The following KCNH5 variants were observed in gnomAD, a reference collection of about 807,000 sequenced individuals.
The protein encoded by KCNH5 is potassium voltage-gated channel subfamily H member 5.
Under a neutral mutation model 96.1 loss-of-function variants are expected in KCNH5, and 46 were observed. That is an observed-to-expected ratio of 0.48 (90% confidence interval 0.38 to 0.61). The LOEUF (loss-of-function observed/expected upper bound fraction) is 0.61. Ranked by LOEUF, KCNH5 falls within the 20% of genes least tolerant of loss-of-function variation. The pLI, the probability that KCNH5 is intolerant of heterozygous loss-of-function variation, is 0.00. For synonymous variants in KCNH5, 439 were observed against 449.8 expected, an observed-to-expected ratio of 0.98 and a Z score of 0.30; for missense variants, 907 against 1,225.8, an observed-to-expected ratio of 0.74 and a Z score of 3.88.
In KCNH5 at chr14:62,950,449, G is replaced by A. The variant is rs1450348008; in HGVS notation, c.1053C>T (p.Leu351=). The part of the protein sequence containing the change: ...YLEYGAAVLV[L]LVCVFGLVAH... ...CCACCAGTCCAAACACACACACCAG[G>A]AGCACGAGGACTGCTGCTCCATATT... The change falls in exon 7 of 11, where the codon CTC becomes CTT. Residue 351 remains leucine, a synonymous_variant. Coordinates refer to ENST00000322893, the MANE Select transcript of KCNH5 (RefSeq NM_139318.5). 3 of 1,613,722 alleles carry A rather than the reference G, an allele frequency of 1.9e-6. No individual in the cohort carries two copies. The highest frequency in any genetic ancestry group is 2.5e-6 in the Non-Finnish European group (3 of 1,179,974).
At chr14:62,958,747 T>A (rs2140136697) in intron 6 of KCNH5, among the ~76,000 whole-genome samples, 1 of 152,274 alleles carries the variant, frequency 6.6e-6, no homozygotes, top group East Asian at 1.9e-4. Context: ...ACCAGCTTTC[T>A]TCACAACTGT....
At chr14:63,038,929 C>G (rs984995047) in intron 1 of KCNH5, among the ~76,000 whole-genome samples, 1 of 151,988 alleles carries the variant, frequency 6.6e-6, no homozygotes. Flanking sequence ...TTCTGCTTTG[C>G]TATTGGTAAA....
chr14:62,943,700 G>C (rs538442764), intron 7 of KCNH5, among the ~76,000 whole-genome samples: 1 of 152,266 alleles, frequency 6.6e-6, no homozygotes, highest in South Asian at 2.1e-4. Context: ...ATTCATTCAT[G>C]AATGGACAGA....
chr14:63,003,539 T>C (rs1332879125), intron 3 of KCNH5, among the ~76,000 whole-genome samples: 1 of 113,392 alleles, frequency 8.8e-6, no homozygotes, highest in Middle Eastern at 3.6e-3. Context: ...ATATATTATA[T>C]ATTATATATA....
intron 7 of KCNH5, among the ~76,000 whole-genome samples, chr14:62,854,404 A>T (rs114210263): frequency 0.014 from 2,126 of 152,290 alleles, 50 homozygotes; most frequent in African/African-American, 0.049. Context: ...AGTGTTATAA[A>T]TATACAGAAG....
At chr14:62,711,413 T>C (rs1432359126) in intron 10 of KCNH5, among the ~76,000 whole-genome samples, 1 of 152,126 alleles carries the variant, frequency 6.6e-6, no homozygotes, top group Non-Finnish European at 1.5e-5. Context: ...AATGTAAAAG[T>C]AACTGGGAAA....
chr14:62,783,983 TTTATAA>T (rs1886270964), intron 9 of KCNH5, among the ~76,000 whole-genome samples: 1 of 151,042 alleles, frequency 6.6e-6, no homozygotes, highest in African/African-American at 2.5e-5. Context: ...TATAATGTAT[TTTATAA>T]TTATATGTTA....
chr14:62,752,617 A>T (rs1885526083), intron 10 of KCNH5, among the ~76,000 whole-genome samples: 1 of 152,102 alleles, frequency 6.6e-6, no homozygotes, highest in South Asian at 2.1e-4. Flanking sequence ...AACAAGACTA[A>T]TATGGTTTGG....
At chr14:62,978,442 G>T (rs1890542482) in intron 6 of KCNH5, among the ~76,000 whole-genome samples, 1 of 152,008 alleles carries the variant, frequency 6.6e-6, no homozygotes, top group Admixed American at 6.6e-5. Context: ...AATGAAAATT[G>T]TATTTAGTGT....
At chr14:62,904,567 C>G (rs944953287) in intron 7 of KCNH5, among the ~76,000 whole-genome samples, 3 of 152,116 alleles carry the variant, frequency 2.0e-5, no homozygotes, top group Admixed American at 1.3e-4. Context: ...GGTCACCCAC[C>G]ACCAATACTC....
chr14:62,850,807 A>G (rs993865347), intron 7 of KCNH5, among the ~76,000 whole-genome samples: 1 of 152,114 alleles, frequency 6.6e-6, no homozygotes, highest in Non-Finnish European at 1.5e-5. Flanking sequence ...ATCTTTTTTG[A>G]AAAGGGGGCA....
intron 9 of KCNH5, among the ~76,000 whole-genome samples, chr14:62,796,155 C>T (rs372183867): frequency 6.6e-6 from 1 of 152,036 alleles, no homozygotes; most frequent in African/African-American, 2.4e-5. Flanking sequence ...AGGAGATTGA[C>T]ACAATTATAC....
chr14:62,880,244 G>C (rs1321726044), intron 7 of KCNH5, among the ~76,000 whole-genome samples: 1 of 152,128 alleles, frequency 6.6e-6, no homozygotes, highest in Non-Finnish European at 1.5e-5. Context: ...AGAAAAGACA[G>C]TTCATTAGTG....
chr14:62,971,950 G>GAT (rs1890416353), intron 6 of KCNH5, among the ~76,000 whole-genome samples: 1 of 152,110 alleles, frequency 6.6e-6, no homozygotes, highest in South Asian at 2.1e-4. Context: ...GTATGACAAT[G>GAT]ACTTTATAGA....
At chr14:62,766,313 A>G (rs1273944434) in intron 10 of KCNH5, among the ~76,000 whole-genome samples, 1 of 152,174 alleles carries the variant, frequency 6.6e-6, no homozygotes, top group African/African-American at 2.4e-5. Context: ...TCATCCAGCA[A>G]TCCCACTGCT....
chr14:62,993,393 T>A (rs1431193633), intron 4 of KCNH5, among the ~76,000 whole-genome samples: 2 of 152,042 alleles, frequency 1.3e-5, no homozygotes, highest in Admixed American at 1.3e-4. Context: ...AATCTGTAGA[T>A]TGCTTTGGAC....
chr14:63,008,406 G>A (rs556821756), intron 2 of KCNH5, among the ~76,000 whole-genome samples: 53 of 151,586 alleles, frequency 3.5e-4, no homozygotes, highest in Non-Finnish European at 6.0e-4. Context: ...TAGTTTTTCA[G>A]CAAGATCCAG....
Position 62,947,808 on chromosome 14 carries a change from T to TTTTA in KCNH5, c.1369+2321_1369+2324dup, listed in dbSNP as rs145127615. ...CTAATCACACCTTCAGTACAATCTT[T>TTTTA]TTTATTTATTTATTTATTTATTTTT... On this transcript the variant is annotated intron_variant, in intron 7 of 10. Transcript: ENST00000322893. Among the ~76,000 whole-genome samples, 600 of 151,432 alleles carry TTTTA rather than the reference T, an allele frequency of 4.0e-3. 2 individuals are homozygous for TTTTA. The highest frequency in any genetic ancestry group is 8.1e-3 in the African/African-American group (335 of 41,200).
At chr14:62,994,208 TA>T (rs1566532227) in intron 4 of KCNH5, among the ~76,000 whole-genome samples, 1 of 152,102 alleles carries the variant, frequency 6.6e-6, no homozygotes, top group Non-Finnish European at 1.5e-5. Flanking sequence ...GTTTCCTCTC[TA>T]AAGAAAACCA....
Sources: allele counts gnomAD v4.1 joint callset (sites outside exome capture counted in the v4.1 genomes callset), GRCh38; gene constraint gnomAD v4.1.1; transcripts MANE v1.5; gene names NCBI Gene and HGNC (gene_info 2026-07-23, HGNC 2026-07-21).